BCAP29: variants seen among roughly 807,000 people sequenced by gnomAD.
BCAP29 encodes the protein B cell receptor associated protein 29, also known as B-cell receptor-associated protein 29.
Under a neutral mutation model 31.8 loss-of-function variants are expected in BCAP29, and 34 were observed. The ratio of observed to expected loss-of-function variants is 1.07; its 90% CI spans 0.81 to 1.42. The LOEUF is 1.42. Among genes scored for constraint, BCAP29 ranks in the 40% most tolerant of loss-of-function variants. The probability of loss-of-function intolerance (pLI) is 0.00; values close to 1 mark genes in which losing one functional copy is unlikely to be tolerated. For synonymous variants in BCAP29, 104 were observed against 91.3 expected (o/e 1.14, Z -0.79); for missense variants, 314 against 269.2 (o/e 1.17, Z -1.16).
At chr7:107,580,634 T>C (rs2129203988) in intron 1 of BCAP29, 125 bp from the exon 2 acceptor site, 2 of 650,068 alleles carry the variant, frequency 3.1e-6, no homozygotes, top group Non-Finnish European at 5.2e-6. Context: ...GGGTCCGTGC[T>C]TGCCTTCCCA....
Position 107,594,004 on chromosome 7 carries a change from G to A in BCAP29, c.243G>A (p.Lys81=). 1 of 1,613,838 alleles carries A rather than the reference G, an allele frequency of 6.2e-7. No homozygotes were observed. The highest frequency in any genetic ancestry group is 1.1e-5 in the South Asian group (1 of 91,080). ...ATTCCTCAGTTCATACCATTGAGAA[G>A]AGCTCCACCAGCAGACCTGATGCCT... is the stretch of plus-strand genomic sequence containing the variant. The part of the protein sequence containing the change: ...RKYSSVHTIE[K]SSTSRPDAYE... The change falls in exon 4 of 8, where the codon AAG becomes AAA. Residue 81 remains lysine (K), a synonymous_variant. Coordinates refer to ENST00000005259, the MANE Select transcript of BCAP29 (RefSeq NM_018844.4).
intron 5 of BCAP29, 37 bp from the exon 6 acceptor site, chr7:107,600,360 C>A: frequency 1.6e-6 from 2 of 1,283,282 alleles, no homozygotes; most frequent in South Asian, 1.2e-5. Flanking sequence ...CTATTGCAAT[C>A]TAAGCTTATT....
intron 6 of BCAP29, among the ~76,000 whole-genome samples, chr7:107,607,088 G>A (rs1347782280): frequency 6.6e-6 from 1 of 152,210 alleles, no homozygotes; most frequent in Admixed American, 6.5e-5. Flanking sequence ...GCCGGGGCAG[G>A]TGGATCATTT....
At chr7:107,622,700 A>G (rs1815079905), downstream of BCAP29, 1 of 152,252 alleles carries the variant, frequency 6.6e-6, no homozygotes, top group African/African-American at 2.4e-5. Context: ...ACATTTAGCA[A>G]TACCTAGAGA....
At position 107,594,110 on chromosome 7, in the gene BCAP29, G is replaced by T. The variant is rs779869289; in HGVS notation, c.344+5G>T. The T allele has an allele frequency of 6.3e-7, 1 of 1,593,930 alleles. No individual in the cohort carries two copies. Among genetic ancestry groups the T allele is most frequent in the South Asian group, 1.1e-5 (1 of 90,286 alleles). ...ATTTTCCCTATTTTTTTGGCTGTAA[G>T]TAAAAAATAATAATAGAAGCACAAT... is the stretch of plus-strand genomic sequence containing the variant. On this transcript the variant is annotated splice_donor_5th_base_variant and intron_variant, in intron 4 of 7. Coordinates refer to ENST00000005259, the MANE Select transcript of BCAP29 (RefSeq NM_018844.4).
intron 6 of BCAP29, chr7:107,603,591 T>A (rs1811555650): frequency 6.7e-6 from 1 of 149,490 alleles, no homozygotes; most frequent in Admixed American, 6.9e-5. Context: ...GTTCCTTCTT[T>A]GTTTCATCAG....
intron 7 of BCAP29, among the ~76,000 whole-genome samples, chr7:107,614,268 G>A (rs1813733952): frequency 6.6e-6 from 1 of 152,174 alleles, no homozygotes; most frequent in African/African-American, 2.4e-5. Flanking sequence ...CCAAGACTCA[G>A]CACTGTTCCT....
At chr7:107,606,786 A>T (rs1337962118) in intron 6 of BCAP29, among the ~76,000 whole-genome samples, 4 of 152,268 alleles carry the variant, frequency 2.6e-5, no homozygotes, top group African/African-American at 9.6e-5. Context: ...TCTTTTCATT[A>T]TAATTATGTT....
Position 107,580,740 on chromosome 7 carries a change from T to G in BCAP29, c.-14-19T>G. 6.6e-7 allele frequency: 1 copy of G among 1,523,964 alleles called. No individual in the cohort carries two copies. The highest frequency in any genetic ancestry group is 9.0e-7 in the Non-Finnish European group (1 of 1,113,628). 94.4% of individuals were successfully genotyped at this position (1,523,964 alleles called of 1,614,324 possible). On this transcript the variant is annotated intron_variant, in intron 1 of 7. Coordinates refer to ENST00000005259, the MANE Select transcript of BCAP29 (RefSeq NM_018844.4). ...TTGTTTGAAAGGAAGCAAGAGAAAA[T>G]AAGTGTTTTTCCATTTAGGTGTGAA... is the stretch of plus-strand genomic sequence containing the variant.
chr7:107,614,651 A>T (rs2129290811), intron 7 of BCAP29, among the ~76,000 whole-genome samples: 1 of 152,328 alleles, frequency 6.6e-6, no homozygotes, highest in Non-Finnish European at 1.5e-5. Flanking sequence ...CCCAAAGCAC[A>T]TATTTGTAAT....
chr7:107,605,641 C>T (rs992118880), intron 6 of BCAP29, among the ~76,000 whole-genome samples: 1 of 152,204 alleles, frequency 6.6e-6, no homozygotes, highest in Non-Finnish European at 1.5e-5. Context: ...ACACTAGGTG[C>T]AGTGAATGAT....
chr7:107,598,185 G>T (rs770574058), intron 5 of BCAP29, among the ~76,000 whole-genome samples: 2 of 152,142 alleles, frequency 1.3e-5, no homozygotes, highest in Non-Finnish European at 2.9e-5. Context: ...GCAACTCAAT[G>T]ATTCTCTTCT....
chr7:107,600,307 G>C (rs2129255116), intron 5 of BCAP29, 90 bp from the exon 6 acceptor site: 1 of 783,928 alleles, frequency 1.3e-6, no homozygotes, highest in Admixed American at 2.0e-5. Flanking sequence ...AAACAGGTAA[G>C]TTTAGATAGG....
intron 4 of BCAP29, among the ~76,000 whole-genome samples, chr7:107,595,271 T>C (rs115120823): frequency 6.6e-6 from 1 of 152,238 alleles, no homozygotes; most frequent in Non-Finnish European, 1.5e-5. Flanking sequence ...AATTAAATAC[T>C]GTTTTAACTT....
At chr7:107,622,532 G>C (rs1179397484), downstream of BCAP29, 2 of 152,274 alleles carry the variant, frequency 1.3e-5, no homozygotes, top group African/African-American at 4.8e-5. Context: ...TGCATCCCAG[G>C]CCTGTCTGCC....
chr7:107,622,648 C>T (rs1436694470), downstream of BCAP29: 1 of 152,206 alleles, frequency 6.6e-6, no homozygotes, highest in Non-Finnish European at 1.5e-5. Flanking sequence ...CACAGTAAAT[C>T]AGTAGTTCTC....
intron 3 of BCAP29, chr7:107,588,090 C>T (rs958239768): frequency 6.6e-6 from 1 of 151,962 alleles, no homozygotes; most frequent in African/African-American, 2.4e-5. Flanking sequence ...ATTTTAAGAA[C>T]CAAGAGGATT....
intron 3 of BCAP29, among the ~76,000 whole-genome samples, chr7:107,591,905 C>T (rs1396074046): frequency 6.6e-5 from 10 of 151,976 alleles, no homozygotes; most frequent in Non-Finnish European, 1.0e-4. Context: ...AATTGGACTA[C>T]ACTCAGACAA....
At chr7:107,620,918 C>A (rs1814906530), downstream of BCAP29, 1 of 152,288 alleles carries the variant, frequency 6.6e-6, no homozygotes, top group Non-Finnish European at 1.5e-5. Flanking sequence ...CTGATGCCAG[C>A]AGCCTGCCTG....
Sources: gnomAD v4.1 joint callset for allele counts (sites outside exome capture counted in the v4.1 genomes callset) on GRCh38, gnomAD v4.1.1 for gene constraint, MANE v1.5 for transcripts, NCBI Gene and HGNC (gene_info 2026-07-23, HGNC 2026-07-21) for gene names.